ARID2: variants seen among roughly 807,000 people sequenced by gnomAD.
ARID2 encodes the protein AT-rich interactive domain-containing protein 2.
In ARID2, 32 loss-of-function variants were observed where a neutral mutation model predicts 184.6. That is an observed-to-expected ratio of 0.17 (90% CI 0.13 to 0.23). ARID2 has a LOEUF of 0.23. Among genes scored for constraint, ARID2 ranks in the 10% least tolerant of loss-of-function variants. The probability of loss-of-function intolerance (pLI) is 1.00; values close to 1 mark genes in which losing one functional copy is unlikely to be tolerated. For missense variants in ARID2, 1,696 were observed against 2,197.6 expected (o/e 0.77, Z 4.56); for synonymous variants, 836 against 772.6 (o/e 1.08, Z -1.36).
chr12:45,824,934 A>G (rs905625933), intron 6 of ARID2, among the ~76,000 whole-genome samples: 6 of 151,344 alleles, frequency 4.0e-5, no homozygotes, highest in African/African-American at 1.5e-4. Context: ...AAAATGTGCT[A>G]TTTTTGTAGC....
At chr12:45,775,364 T>C (rs1249252547) in intron 3 of ARID2, among the ~76,000 whole-genome samples, 6 of 152,232 alleles carry the variant, frequency 3.9e-5, no homozygotes, top group Admixed American at 3.9e-4. Flanking sequence ...AGGGATTTTA[T>C]CTAAGAGGCT....
chr12:45,871,719 TCAG>T (rs1180711500), intron 16 of ARID2, among the ~76,000 whole-genome samples: 1 of 152,188 alleles, frequency 6.6e-6, no homozygotes, highest in Non-Finnish European at 1.5e-5. Context: ...TGTTGTGAAT[TCAG>T]CAGAGAAACC....
chr12:45,842,629 C>T (rs748789257), intron 11 of ARID2, among the ~76,000 whole-genome samples: 48 of 151,680 alleles, frequency 3.2e-4, no homozygotes, highest in African/African-American at 1.0e-3. Context: ...TGATGGTGTG[C>T]GCCTGTAGTC....
chr12:45,871,600 G>A (rs1435456488), intron 16 of ARID2, among the ~76,000 whole-genome samples: 2 of 152,122 alleles, frequency 1.3e-5, no homozygotes, highest in African/African-American at 4.8e-5. Flanking sequence ...TTTGGTAATA[G>A]GGTTATGCTG....
In ARID2 at chr12:45,729,979, G is replaced by T. The variant is rs1555139269; in HGVS notation, c.92+51G>T. On this transcript the variant is annotated intron_variant, in intron 1 of 20. Transcript: ENST00000334344. Reference sequence around the variant, plus strand: ...GCCGGGGCGAGCCGGGGCGAACGGGGCTCTCCCGCCCGGGCCGGGCACGGG... The same window carrying T: ...GCCGGGGCGAGCCGGGGCGAACGGGTCTCTCCCGCCCGGGCCGGGCACGGG... 1.0e-5 allele frequency: 16 copies of T among 1,606,030 alleles called. No homozygotes were observed. In the Admixed American group the frequency reaches 2.0e-4, roughly 20 times the overall value.
chr12:45,853,870 G>A (rs12307979), intron 15 of ARID2, among the ~76,000 whole-genome samples: 16,104 of 152,246 alleles, frequency 0.11, 2,754 homozygotes, highest in African/African-American at 0.36. Context: ...CAAGAACAAA[G>A]GGAAGAGCCC....
intron 3 of ARID2, among the ~76,000 whole-genome samples, chr12:45,773,865 T>C (rs1166493803): frequency 6.6e-6 from 1 of 152,130 alleles, no homozygotes; most frequent in Non-Finnish European, 1.5e-5. Flanking sequence ...GAAATAGACT[T>C]AGTTGGGGAC....
At chr12:45,745,856 ATGT>A (rs1941345616) in intron 3 of ARID2, among the ~76,000 whole-genome samples, 1 of 152,010 alleles carries the variant, frequency 6.6e-6, no homozygotes, top group South Asian at 2.1e-4. Context: ...GCCTGGTTTT[ATGT>A]TAAGATGATT....
intron 3 of ARID2, among the ~76,000 whole-genome samples, chr12:45,745,207 C>G (rs1463113373): frequency 2.0e-5 from 3 of 152,208 alleles, no homozygotes; most frequent in South Asian, 4.2e-4. Flanking sequence ...AATTTAGATT[C>G]CTAAAGACAG....
chr12:45,749,661 A>T (rs2080752), intron 3 of ARID2, among the ~76,000 whole-genome samples: 1 of 152,180 alleles, frequency 6.6e-6, no homozygotes, highest in Non-Finnish European at 1.5e-5. Context: ...AGCCAGTTCT[A>T]TCATTTACCT....
intron 3 of ARID2, among the ~76,000 whole-genome samples, chr12:45,780,712 G>A (rs529576362): frequency 2.6e-5 from 4 of 152,084 alleles, no homozygotes; most frequent in South Asian, 2.1e-4. Flanking sequence ...TCTGCCTGCC[G>A]GGTTCAAGTG....
intron 16 of ARID2, among the ~76,000 whole-genome samples, chr12:45,879,850 C>T (rs1944071859): frequency 6.6e-6 from 1 of 152,098 alleles, no homozygotes; most frequent in South Asian, 2.1e-4. Flanking sequence ...TTTTGAGACT[C>T]CCTCAAAAGT....
intron 3 of ARID2, among the ~76,000 whole-genome samples, chr12:45,743,491 C>T (rs1256343925): frequency 1.3e-5 from 2 of 152,180 alleles, no homozygotes; most frequent in Non-Finnish European, 2.9e-5. Flanking sequence ...CTGCCTCAGC[C>T]TCCTGAGTAG....
intron 12 of ARID2, among the ~76,000 whole-genome samples, chr12:45,848,613 A>G (rs1943485289): frequency 6.6e-6 from 1 of 152,094 alleles, no homozygotes; most frequent in African/African-American, 2.4e-5. Context: ...TAGTTTTTAT[A>G]TTTGTTGTCA....
At chr12:45,895,421 C>G (rs1280111631) in intron 20 of ARID2, among the ~76,000 whole-genome samples, 2 of 152,162 alleles carry the variant, frequency 1.3e-5, no homozygotes, top group African/African-American at 4.8e-5. Context: ...GGTAGGGATT[C>G]AGTATTTTGA....
At chr12:45,879,160 A>C (rs1944059706) in intron 16 of ARID2, among the ~76,000 whole-genome samples, 1 of 152,200 alleles carries the variant, frequency 6.6e-6, no homozygotes. Flanking sequence ...GTCGGCCTTC[A>C]TCTAAGGGCT....
intron 11 of ARID2, chr12:45,842,015 T>G (rs750918164): frequency 5.3e-5 from 8 of 152,090 alleles, no homozygotes; most frequent in Non-Finnish European, 1.2e-4. Context: ...CCCAGCACTT[T>G]GGGAGGCTGA....
intron 17 of ARID2, 25 bp from the exon 18 acceptor site, chr12:45,891,986 C>A (rs1944307528): frequency 1.2e-6 from 2 of 1,614,016 alleles, no homozygotes; most frequent in Non-Finnish European, 1.7e-6. Context: ...ACGTGCCATT[C>A]TCTTGCTTCC....
Position 45,757,761 on chromosome 12 carries a change from C to G in ARID2, c.284+26447C>G, listed in dbSNP as rs138466822. ...TAGCAAATATTTCATACGGTTAGTT[C>G]TTAGGATTAGATTTCAACACTTCAG... On this transcript the variant is annotated intron_variant, in intron 3 of 20. Coordinates refer to ENST00000334344, the MANE Select transcript of ARID2 (RefSeq NM_152641.4). Among the ~76,000 whole-genome samples the G allele has an allele frequency of 5.5e-3, 832 of 152,162 alleles. 7 individuals carry two copies. Among genetic ancestry groups the G allele is most frequent in the African/African-American group, 0.019 (794 of 41,522 alleles).
Sources: gnomAD v4.1 joint callset for allele counts (sites outside exome capture counted in the v4.1 genomes callset) on GRCh38, gnomAD v4.1.1 for gene constraint, MANE v1.5 for transcripts, NCBI Gene and HGNC (gene_info 2026-07-23, HGNC 2026-07-21) for gene names.